KRT7: variants seen among roughly 807,000 people sequenced by gnomAD.
KRT7 encodes the protein keratin, type II cytoskeletal 7.
KRT7 carries 50 observed loss-of-function variants against 42.8 expected under a neutral mutation model. The observed-to-expected ratio is 1.17, with a 90% CI of 0.93 to 1.48. KRT7 has a LOEUF of 1.48. Ranked by LOEUF, KRT7 falls within the 40% of genes most tolerant of loss-of-function variation. The pLI is 0.00. For synonymous variants in KRT7, 268 were observed against 266.3 expected, an observed-to-expected ratio of 1.01 and a Z score of -0.06; for missense variants, 588 against 637.6, an observed-to-expected ratio of 0.92 and a Z score of 0.84.
At chr12:52,253,536 T>C (rs1309438933), downstream of KRT7, 7 of 1,599,200 alleles carry the variant, frequency 4.4e-6, no homozygotes, top group East Asian at 1.4e-4. Flanking sequence ...AGGAAGCCTA[T>C]TTAATAGGTA....
downstream of KRT7, chr12:52,252,435 T>C: frequency 6.2e-7 from 1 of 1,614,150 alleles, no homozygotes; most frequent in Non-Finnish European, 8.5e-7. Context: ...GAGGGCCGCC[T>C]CACCCTGCTG....
downstream of KRT7, chr12:52,250,354 G>T (rs1942245331): frequency 5.6e-6 from 2 of 357,534 alleles, no homozygotes; most frequent in East Asian, 6.6e-5. Flanking sequence ...CCGATGGGGA[G>T]GCTGGGCCCC....
At chr12:52,244,613 T>C in intron 6 of KRT7, 3 of 985,774 alleles carry the variant, frequency 3.0e-6, no homozygotes, top group Non-Finnish European at 3.6e-6. Context: ...GAATGGCCGG[T>C]AAGAAGGGAG....
chr12:52,245,522 G>A lies in KRT7; in HGVS notation c.1095G>A (p.Lys365=). ...TGGAAGCCGCCCTGCAGCGGGGCAA[G>A]CAGGATATGGCACGGCAGCTGCGTG... The part of the protein sequence containing the change: ...EELEAALQRG[K]QDMARQLREY... Residue 365 remains lysine (K), a synonymous_variant, in exon 7 of 9, where the codon AAG becomes AAA. Transcript: ENST00000331817. 2 of 1,614,188 alleles carry A rather than the reference G, an allele frequency of 1.2e-6. No homozygotes were observed. The highest frequency in any genetic ancestry group is 1.7e-6 in the Non-Finnish European group (2 of 1,180,024).
At chr12:52,249,626 G>T (rs1372307995), downstream of KRT7, among the ~76,000 whole-genome samples, 1 of 152,172 alleles carries the variant, frequency 6.6e-6, no homozygotes, top group South Asian at 2.1e-4. Context: ...ACACAGGTCT[G>T]TGTGTCTGTG....
At chr12:52,236,699 C>T (rs7957707) in intron 2 of KRT7, among the ~76,000 whole-genome samples, 13,394 of 152,248 alleles carry the variant, frequency 0.088, 1,185 homozygotes, top group East Asian at 0.38. Flanking sequence ...CCCAGGTTGT[C>T]CCTACTGCTT....
Position 52,240,984 on chromosome 12 carries a change from G to A in KRT7, c.694-488G>A, listed in dbSNP as rs1275931377. On this transcript the variant is annotated intron_variant, in intron 4 of 8. Coordinates refer to ENST00000331817, the MANE Select transcript of KRT7 (RefSeq NM_005556.4). Reference sequence around the variant, plus strand: ...GTTCCCCGCCCTGTGCCCAAGTGATGTCATTGTTCAATTCCCACCTATGAG... The same window carrying A: ...GTTCCCCGCCCTGTGCCCAAGTGATATCATTGTTCAATTCCCACCTATGAG... Among the ~76,000 whole-genome samples, 7 of 146,610 alleles carry A rather than the reference G, an allele frequency of 4.8e-5. No individual in the cohort carries two copies. In the East Asian group the frequency reaches 1.4e-3, roughly 30 times the overall value.
chr12:52,255,488 G>T (rs1215464538), downstream of KRT7: 1 of 452,406 alleles, frequency 2.2e-6, no homozygotes, highest in Non-Finnish European at 4.5e-6. Flanking sequence ...CACATTCCGG[G>T]AACTGGATCT....
At chr12:52,238,624 T>G in intron 3 of KRT7, 56 bp from the exon 4 acceptor site, 1 of 1,064,084 alleles carries the variant, frequency 9.4e-7, no homozygotes, top group East Asian at 2.4e-5. Context: ...CCCTACTAAA[T>G]GTTCCCTGTA....
At chr12:52,238,271 G>A (rs2121076400) in intron 3 of KRT7, among the ~76,000 whole-genome samples, 1 of 152,332 alleles carries the variant, frequency 6.6e-6, no homozygotes, top group Non-Finnish European at 1.5e-5. Context: ...ATAGCTTGGA[G>A]ATTTTCCATC....
chr12:52,250,489 C>T (rs570195506), downstream of KRT7: 199 of 667,300 alleles, frequency 3.0e-4, no homozygotes, highest in Middle Eastern at 1.2e-3. Context: ...ACGGAGCGGC[C>T]GCTGCCGCTG....
downstream of KRT7, chr12:52,253,509 A>C: frequency 6.4e-7 from 1 of 1,573,136 alleles, no homozygotes; most frequent in Non-Finnish European, 8.7e-7. Flanking sequence ...ATCCGTAGGG[A>C]CCAGAATCCC....
intron 2 of KRT7, among the ~76,000 whole-genome samples, chr12:52,236,465 G>T (rs1592388933): frequency 1.3e-5 from 2 of 152,234 alleles, no homozygotes; most frequent in Middle Eastern, 6.8e-3. Context: ...TCCAGGGAAG[G>T]AGTACAGGGA....
rs780652263 is a variant in KRT7 at position 52,241,470 on chromosome 12, A to G, written c.694-2A>G. The G allele has an allele frequency of 6.2e-7, 1 of 1,609,306 alleles. No homozygotes were observed. Among genetic ancestry groups the G allele is most frequent in the South Asian group, 1.1e-5 (1 of 90,346 alleles). On this transcript the variant is annotated splice_acceptor_variant, in intron 4 of 8. Coordinates refer to ENST00000331817, the MANE Select transcript of KRT7 (RefSeq NM_005556.4). LOFTEE classifies it high-confidence loss of function. ...TCCTGATGTCCCGTCTGGTCCCTACAGGAGTTGACAGAGCTGCAGTCCCAG... is the reference window on the plus strand; with the variant it reads ...TCCTGATGTCCCGTCTGGTCCCTACGGGAGTTGACAGAGCTGCAGTCCCAG...
Position 52,233,245 on chromosome 12 carries a change from C to A in KRT7, c.-52C>A, listed in dbSNP as rs1420702880. On this transcript the variant is annotated 5_prime_UTR_variant, in exon 1 of 9. Coordinates refer to ENST00000331817, the MANE Select transcript of KRT7 (RefSeq NM_005556.4). ...AGGCGCGGAGTGTCCCCGAGGTCAG[C>A]GAGTGCGCGCTCCTCCTCGCCCGCC... The A allele has an allele frequency of 3.0e-5, 42 of 1,384,940 alleles. No individual in the cohort carries two copies. Among genetic ancestry groups the A allele is most frequent in the Non-Finnish European group, 3.9e-5 (41 of 1,039,820 alleles). The allele number at this position is 1,384,940 out of a possible 1,614,324, so 85.8% of individuals were successfully genotyped here.
intron 2 of KRT7, among the ~76,000 whole-genome samples, chr12:52,236,531 G>A (rs1032424175): frequency 6.6e-6 from 1 of 152,170 alleles, no homozygotes. Context: ...TCTTGACCTG[G>A]CTGTGCACTG....
intron 6 of KRT7, 195 bp downstream of exon 6, chr12:52,243,332 T>C: frequency 1.6e-6 from 1 of 625,436 alleles, no homozygotes; most frequent in Non-Finnish European, 2.6e-6. Context: ...GGGAGAAAGG[T>C]CCTGGATGTG....
At position 52,241,529 on chromosome 12, in the gene KRT7, A is replaced by G; in HGVS notation, c.751A>G (p.Asn251Asp). 6.2e-7 allele frequency: 1 copy of G among 1,613,978 alleles called. No individual in the cohort carries two copies. The highest frequency in any genetic ancestry group is 8.5e-7 in the Non-Finnish European group (1 of 1,179,890). The change falls in exon 5 of 9, where the codon AAC becomes GAC. Residue 251 changes from asparagine (N) to aspartate (D), a missense_variant. By Grantham distance (23) the Asn-to-Asp change is conservative. Transcript: ENST00000331817. ...CACATCTGTGGTGCTGTCCATGGACAACAGTCGCTCCCTGGACCTGGACGG... is the reference window on the plus strand; with the variant it reads ...CACATCTGTGGTGCTGTCCATGGACGACAGTCGCTCCCTGGACCTGGACGG... ...SDTSVVLSMDNSRSLDLDGII... is the reference protein window; with the variant it reads ...SDTSVVLSMDDSRSLDLDGII...
At chr12:52,253,376 A>G, downstream of KRT7, 3 of 1,606,632 alleles carry the variant, frequency 1.9e-6, no homozygotes, top group Middle Eastern at 1.7e-4. Context: ...TCAGGGTGGG[A>G]CCTCCCATCC....
Sources: allele counts gnomAD v4.1 joint callset (sites outside exome capture counted in the v4.1 genomes callset), GRCh38; gene constraint gnomAD v4.1.1; transcripts MANE v1.5; gene names NCBI Gene and HGNC (gene_info 2026-07-23, HGNC 2026-07-21).